The following TMEM131 variants were observed in gnomAD, a reference collection of about 807,000 sequenced individuals.
TMEM131 encodes 2610524E03Rik.
Under a neutral mutation model 211.6 loss-of-function variants are expected in TMEM131, and 66 were observed. The ratio of observed to expected loss-of-function variants is 0.31; its 90% CI spans 0.26 to 0.38. TMEM131 has a LOEUF of 0.38. Among genes scored for constraint, TMEM131 ranks in the 10% least tolerant of loss-of-function variants. The probability of loss-of-function intolerance (pLI) is 1.00; values close to 1 mark genes in which losing one functional copy is unlikely to be tolerated. For synonymous variants in TMEM131, 844 were observed against 841.3 expected, an observed-to-expected ratio of 1.00 and a Z score of -0.06; for missense variants, 2,036 against 2,299.3, an observed-to-expected ratio of 0.89 and a Z score of 2.34.
rs953636168 is a variant in TMEM131, at chr2:97,814,090, T to C, written c.1498A>G (p.Ile500Val). The change falls in exon 15 of 41, where the codon ATT (isoleucine) becomes GTT (valine). Residue 500 changes from isoleucine to valine, a missense_variant. Coordinates refer to ENST00000186436, the MANE Select transcript of TMEM131 (RefSeq NM_015348.2). ...VLILPNESGY[I>V]FTLLFMPSTS... ...GAAGGCATAAAAAGCAGGGTAAAAA[T>C]GTATCCTGATTCATTAGGAAGAATT... 7 of 1,606,464 alleles carry C rather than the reference T, an allele frequency of 4.4e-6. No individual in the cohort carries two copies. Among genetic ancestry groups the C allele is most frequent in the Admixed American group, 1.7e-5 (1 of 58,620 alleles).
Position 97,772,283 on chromosome 2 carries a change from CT to C in TMEM131, c.4448+13del. ...TTTATAGACCTTATTTCTCTGTACA[CT>C]TATTTCTCTCACCTGGGTTTCACAT... On this transcript the variant is annotated intron_variant, in intron 33 of 40. Transcript: ENST00000186436. 6.3e-7 allele frequency: 1 copy of C among 1,596,206 alleles called. No individual in the cohort carries two copies.
At chr2:97,993,320 A>T (rs1020529097) in intron 1 of TMEM131, among the ~76,000 whole-genome samples, 3 of 152,250 alleles carry the variant, frequency 2.0e-5, no homozygotes, top group African/African-American at 7.2e-5. Context: ...AAATCTGCCC[A>T]AACTTGCTGA....
intron 4 of TMEM131, among the ~76,000 whole-genome samples, chr2:97,882,887 T>C (rs1674994675): frequency 6.6e-6 from 1 of 152,170 alleles, no homozygotes; most frequent in Non-Finnish European, 1.5e-5. Context: ...ATCCAGAAAG[T>C]TTTAAATAAT....
intron 39 of TMEM131, 47 bp from the exon 40 acceptor site, chr2:97,759,100 G>T: frequency 1.2e-6 from 2 of 1,611,554 alleles, no homozygotes; most frequent in South Asian, 1.1e-5. Context: ...GTTTTGCCAT[G>T]ATCACTATAG....
At chr2:97,789,284 T>G (rs1680391970) in intron 31 of TMEM131, among the ~76,000 whole-genome samples, 1 of 152,262 alleles carries the variant, frequency 6.6e-6, no homozygotes, top group Non-Finnish European at 1.5e-5. Flanking sequence ...GCCTTCTCGT[T>G]TGGCCTTGCC....
intron 1 of TMEM131, among the ~76,000 whole-genome samples, chr2:97,943,248 T>C (rs140484864): frequency 6.6e-6 from 1 of 152,020 alleles, no homozygotes; most frequent in East Asian, 1.9e-4. Flanking sequence ...ACCCTGTCTC[T>C]AAAAAAATTT....
chr2:97,873,331 C>T (rs913260807), intron 4 of TMEM131, among the ~76,000 whole-genome samples: 3 of 152,264 alleles, frequency 2.0e-5, no homozygotes, highest in Admixed American at 1.3e-4. Flanking sequence ...CTTCAGCAGA[C>T]TTAAACATCC....
rs528733098 is a variant in TMEM131 at position 97,945,725 on chromosome 2, TATGA to T, written c.188-18242_188-18239del. On this transcript the variant is annotated intron_variant, in intron 1 of 40. Coordinates refer to ENST00000186436, the MANE Select transcript of TMEM131 (RefSeq NM_015348.2). ...ACAGCAGGTGAATCTGGGTAAAGAA[TATGA>T]ATGTTTTTGACTATTTTCATTCTTA... is the stretch of plus-strand genomic sequence containing the variant. Among the ~76,000 whole-genome samples, 810 of 152,210 alleles carry T rather than the reference TATGA, an allele frequency of 5.3e-3. 2 individuals are homozygous for T. The highest frequency in any genetic ancestry group is 0.013 in the South Asian group (65 of 4,830).
At chr2:97,975,632 A>G in intron 1 of TMEM131, among the ~76,000 whole-genome samples, 1 of 152,266 alleles carries the variant, frequency 6.6e-6, no homozygotes, top group East Asian at 1.9e-4. Flanking sequence ...GGTTAAAAAA[A>G]TCCCCATAAA....
At chr2:97,810,707 T>C (rs1406614908) in intron 18 of TMEM131, among the ~76,000 whole-genome samples, 1 of 152,202 alleles carries the variant, frequency 6.6e-6, no homozygotes, top group East Asian at 1.9e-4. Context: ...AAAATATAAA[T>C]GTGAGCACTC....
chr2:97,780,731 A>G (rs986521933), intron 31 of TMEM131, among the ~76,000 whole-genome samples: 1 of 152,184 alleles, frequency 6.6e-6, no homozygotes, highest in Non-Finnish European at 1.5e-5. Flanking sequence ...AATGAACTCA[A>G]TGAACAGTGG....
In TMEM131 at chr2:97,758,841, T is replaced by C. The variant is rs553024587; in HGVS notation, c.5367+52A>G. ...CCATCCATGTCACAGCAATGGCAGATGGCGAGTGGGTGGGCCAGGTCCAGG... is the reference window on the plus strand; with the variant it reads ...CCATCCATGTCACAGCAATGGCAGACGGCGAGTGGGTGGGCCAGGTCCAGG... On this transcript the variant is annotated intron_variant, in intron 40 of 40. Transcript: ENST00000186436. 7 of 1,559,944 alleles carry C rather than the reference T, an allele frequency of 4.5e-6. No homozygotes were observed. The Admixed American group carries it at 5.8e-5, about 13-fold the overall frequency.
At chr2:97,791,700 A>C (rs1680504842) in intron 31 of TMEM131, among the ~76,000 whole-genome samples, 1 of 152,184 alleles carries the variant, frequency 6.6e-6, no homozygotes, top group African/African-American at 2.4e-5. Context: ...TGACCACAGA[A>C]ACTGTGAGAT....
intron 38 of TMEM131, chr2:97,760,388 C>G: frequency 1.7e-6 from 1 of 589,850 alleles, no homozygotes; most frequent in East Asian, 2.9e-5. Context: ...CTTTCTCTAT[C>G]TGGACCCCCT....
intron 22 of TMEM131, among the ~76,000 whole-genome samples, chr2:97,803,552 T>C (rs958135065): frequency 3.9e-5 from 6 of 152,352 alleles, no homozygotes; most frequent in African/African-American, 1.4e-4. Context: ...AAGCATATTT[T>C]AACCCCTAAC....
intron 4 of TMEM131, among the ~76,000 whole-genome samples, chr2:97,885,635 G>A (rs1675124681): frequency 6.6e-6 from 1 of 151,778 alleles, no homozygotes; most frequent in South Asian, 2.1e-4. Context: ...TTTCTGCTGA[G>A]AAATCTGCTG....
intron 1 of TMEM131, among the ~76,000 whole-genome samples, chr2:97,929,979 C>T (rs891880524): frequency 6.6e-6 from 1 of 151,722 alleles, no homozygotes; most frequent in African/African-American, 2.4e-5. Flanking sequence ...CAATAAAGGA[C>T]TATGAATATA....
At chr2:97,939,785 C>A (rs1188017522) in intron 1 of TMEM131, among the ~76,000 whole-genome samples, 2 of 152,190 alleles carry the variant, frequency 1.3e-5, no homozygotes, top group Non-Finnish European at 2.9e-5. Context: ...AAAATACTGG[C>A]AAACTGAATC....
chr2:97,803,281 T>C (rs1446855387), intron 22 of TMEM131, among the ~76,000 whole-genome samples: 2 of 152,222 alleles, frequency 1.3e-5, no homozygotes, highest in Non-Finnish European at 2.9e-5. Flanking sequence ...AGGCAGTACA[T>C]TGCTTGGCAT....
Sources: gnomAD v4.1 joint callset for allele counts (sites outside exome capture counted in the v4.1 genomes callset) on GRCh38, gnomAD v4.1.1 for gene constraint, MANE v1.5 for transcripts, NCBI Gene and HGNC (gene_info 2026-07-23, HGNC 2026-07-21) for gene names.